The following ZDBF2 variants were observed in gnomAD, a reference collection of about 807,000 sequenced individuals.
ZDBF2 encodes zinc finger DBF-type containing 2, also known as DBF4-type zinc finger-containing protein 2.
A neutral mutation model predicts 9.4 loss-of-function variants in ZDBF2; 6 were observed. The ratio of observed to expected loss-of-function variants is 0.64; its 90% CI spans 0.35 to 1.27. The LOEUF (loss-of-function observed/expected upper bound fraction) is 1.27, where lower values mean the gene tolerates loss of function less well. ZDBF2 is among the 50% of genes most tolerant of loss of function. The pLI is 0.03. For missense variants in ZDBF2, 2,697 were observed against 2,766.8 expected, an observed-to-expected ratio of 0.97 and a Z score of 0.57; for synonymous variants, 905 against 946.3, an observed-to-expected ratio of 0.96 and a Z score of 0.80.
chr2:206,274,880 G>A lies in ZDBF2; in HGVS notation c.-169G>A, dbSNP rs1223334387. On this transcript the variant is annotated 5_prime_UTR_variant, in exon 1 of 5. Coordinates refer to ENST00000374423, the MANE Select transcript of ZDBF2 (RefSeq NM_020923.3). Reference sequence around the variant, plus strand: ...CCGCCGCGGAACCGGAATAAGAAGGGAGAGCGCCCGGCTCGGTCCTCGGTC... The same window carrying A: ...CCGCCGCGGAACCGGAATAAGAAGGAAGAGCGCCCGGCTCGGTCCTCGGTC... 3.9e-5 allele frequency: 6 copies of A among 151,954 alleles called. No homozygotes were observed. Among genetic ancestry groups the A allele is most frequent in the African/African-American group, 1.4e-4 (6 of 41,416 alleles). 9.4% of individuals were successfully genotyped at this position (151,954 alleles called of 1,614,324 possible). A position where few individuals can be genotyped will look rare whatever the true frequency, so the allele number is the denominator to read the frequency against.
At position 206,306,355 on chromosome 2, in the gene ZDBF2, A is replaced by G. The variant is rs1405751140; in HGVS notation, c.1827A>G (p.Gln609=). 6.2e-7 allele frequency: 1 copy of G among 1,613,828 alleles called. No homozygotes were observed. Among genetic ancestry groups the G allele is most frequent in the East Asian group, 2.2e-5 (1 of 44,882 alleles). ...TVKGRNLKGR[Q]VHLKHKKRKP... ...AAGGAAGAAACCTGAAAGGTAGACA[A>G]GTCCACCTAAAACATAAGAAGCGTA... is the stretch of plus-strand genomic sequence containing the variant. Residue 609 remains glutamine (Q), a synonymous_variant, in exon 5 of 5, where the codon CAA becomes CAG. Coordinates refer to ENST00000374423, the MANE Select transcript of ZDBF2 (RefSeq NM_020923.3).
intron 3 of ZDBF2, among the ~76,000 whole-genome samples, chr2:206,285,629 T>C (rs919940580): frequency 1.3e-5 from 2 of 152,242 alleles, no homozygotes; most frequent in Non-Finnish European, 2.9e-5. Context: ...GATTGTCCTT[T>C]GCTGTGCAAA....
In ZDBF2 at chr2:206,309,500, T is replaced by C. The variant is rs758164540; in HGVS notation, c.4972T>C (p.Cys1658Arg). The change falls in exon 5 of 5, where the codon TGT (cysteine) becomes CGT (arginine). Residue 1658 changes from cysteine (C) to arginine (R), a missense_variant. Physicochemically the swap from Cys to Arg is radical, Grantham distance 180. This residue lies in a region of ZDBF2 where 1,783 missense variants were observed against 1,776.5 expected (regional missense o/e 1.00). Transcript: ENST00000374423. ...ATATATTGATTCAGAAGATAAGAGC[T>C]GTGGATATAATGGTTCTAAAGGAAA... The part of the protein sequence containing the change: ...VKYIDSEDKS[C>R]GYNGSKGKFN... The C allele has an allele frequency of 6.2e-7, 1 of 1,613,982 alleles. No individual in the cohort carries two copies. Among genetic ancestry groups the C allele is most frequent in the East Asian group, 2.2e-5 (1 of 44,886 alleles).
intron 1 of ZDBF2, among the ~76,000 whole-genome samples, chr2:206,279,080 G>A (rs12694049): frequency 0.51 from 77,619 of 151,976 alleles, 20,810 homozygotes; most frequent in Non-Finnish European, 0.6. Flanking sequence ...ACAACAATGC[G>A]GAGGAATAAA....
chr2:206,292,125 G>A (rs1448465288), intron 3 of ZDBF2: 1 of 398,176 alleles, frequency 2.5e-6, no homozygotes, highest in Non-Finnish European at 4.4e-6. Flanking sequence ...AGGTAAATAT[G>A]TAGGCAATCA....
At position 206,311,406 on chromosome 2, in the gene ZDBF2, G is replaced by C; in HGVS notation, c.6878G>C (p.Arg2293Pro). The change falls in exon 5 of 5, where the codon CGA (arginine) becomes CCA (proline). Residue 2293 changes from arginine (R) to proline (P), a missense_variant. Transcript: ENST00000374423. ...GCTATGGCAAATCCTCCTCCAAAGCGACCTGTGCGGGCTTCTTGCCGCGTT... is the reference window on the plus strand; with the variant it reads ...GCTATGGCAAATCCTCCTCCAAAGCCACCTGTGCGGGCTTCTTGCCGCGTT... ...SSAMANPPPK[R>P]PVRASCRVAR... 6.2e-7 allele frequency: 1 copy of C among 1,608,454 alleles called. No homozygotes were observed. The highest frequency in any genetic ancestry group is 1.1e-5 in the South Asian group (1 of 89,892).
chr2:206,290,785 T>C (rs1029358581), intron 3 of ZDBF2, among the ~76,000 whole-genome samples: 2 of 152,222 alleles, frequency 1.3e-5, no homozygotes, highest in Non-Finnish European at 2.9e-5. Context: ...TACATTATGT[T>C]CTCTCCAAAT....
intron 3 of ZDBF2, among the ~76,000 whole-genome samples, chr2:206,296,435 T>G (rs1282879191): frequency 6.6e-6 from 1 of 152,210 alleles, no homozygotes; most frequent in African/African-American, 2.4e-5. Flanking sequence ...TTTACTTTTA[T>G]TACAGTATAT....
chr2:206,294,792 C>T (rs1692081437), intron 3 of ZDBF2, among the ~76,000 whole-genome samples: 1 of 152,124 alleles, frequency 6.6e-6, no homozygotes, highest in Non-Finnish European at 1.5e-5. Flanking sequence ...TGATGGCCTC[C>T]AGCTGTATCC....
At chr2:206,275,873 A>G (rs1204971159) in intron 1 of ZDBF2, among the ~76,000 whole-genome samples, 1 of 152,204 alleles carries the variant, frequency 6.6e-6, no homozygotes, top group Non-Finnish European at 1.5e-5. Flanking sequence ...AATACGTGGA[A>G]GACCTTTTCT....
chr2:206,306,428 A>G lies in ZDBF2; in HGVS notation c.1900A>G (p.Thr634Ala). 1 of 1,613,862 alleles carries G rather than the reference A, an allele frequency of 6.2e-7. No individual in the cohort carries two copies. The highest frequency in any genetic ancestry group is 8.5e-7 in the Non-Finnish European group (1 of 1,179,820). ...TCTTGATTGTGATGTCTCACTTGGG[A>G]CAGTTGCAGATGAATCCCAGAGGGC... ...AHLDCDVSLG[T>A]VADESQRAVE... Residue 634 changes from threonine (T) to alanine (A), a missense_variant, in exon 5 of 5, where the codon ACA (threonine) becomes GCA (alanine). By Grantham distance (58) the Thr-to-Ala change is moderately conservative (BLOSUM62 0). This residue lies in a region of ZDBF2 where 910 missense variants were observed against 973.6 expected (regional missense o/e 0.93). Coordinates refer to ENST00000374423, the MANE Select transcript of ZDBF2 (RefSeq NM_020923.3).
Position 206,311,267 on chromosome 2 carries a change from A to C in ZDBF2, c.6739A>C (p.Arg2247=). The C allele has an allele frequency of 6.2e-7, 1 of 1,610,054 alleles. No homozygotes were observed. The highest frequency in any genetic ancestry group is 8.5e-7 in the Non-Finnish European group (1 of 1,177,648). Residue 2247 remains arginine (R), a synonymous_variant, in exon 5 of 5, where the codon AGG becomes CGG. Transcript: ENST00000374423. ...TCAGTCCAGGAGCGCTTTTCTTGGA[A>C]GGTATCTGAAGAAGAAAAAATCTGT... ...RYQSRSAFLG[R]YLKKKKSVVS...
intron 4 of ZDBF2, among the ~76,000 whole-genome samples, chr2:206,299,676 G>A (rs1355915131): frequency 6.6e-6 from 1 of 151,918 alleles, no homozygotes; most frequent in Non-Finnish European, 1.5e-5. Context: ...TAAAAACTAG[G>A]AAACTACAAA....
chr2:206,294,450 A>G (rs765296930), intron 3 of ZDBF2, among the ~76,000 whole-genome samples: 2 of 152,218 alleles, frequency 1.3e-5, no homozygotes, highest in Non-Finnish European at 2.9e-5. Context: ...TTGCCTTGGC[A>G]GAGAGAGGAC....
intron 4 of ZDBF2, among the ~76,000 whole-genome samples, chr2:206,297,608 A>ACT (rs1433854622): frequency 1.3e-5 from 2 of 152,208 alleles, no homozygotes; most frequent in African/African-American, 4.8e-5. Context: ...GCTAATAATT[A>ACT]TATATCATTA....
Position 206,309,849 on chromosome 2 carries a change from A to G in ZDBF2, c.5321A>G (p.Lys1774Arg). The G allele has an allele frequency of 6.2e-7, 1 of 1,613,950 alleles. No individual in the cohort carries two copies. The highest frequency in any genetic ancestry group is 1.1e-5 in the South Asian group (1 of 91,060). Residue 1774 changes from lysine to arginine, a missense_variant, in exon 5 of 5, where the codon AAG becomes AGG. This residue lies in a region of ZDBF2 where 1,783 missense variants were observed against 1,776.5 expected (regional missense o/e 1.00). Coordinates refer to ENST00000374423, the MANE Select transcript of ZDBF2 (RefSeq NM_020923.3). ...ACTGTTAAGAAAAGACACCCTTGTA[A>G]GAAGGTATCTTCTGACTTGAAAGAA... ...QETVKKRHPC[K>R]KVSSDLKEKN...
intron 4 of ZDBF2, among the ~76,000 whole-genome samples, chr2:206,297,728 A>G (rs1039327052): frequency 1.3e-5 from 2 of 152,000 alleles, no homozygotes; most frequent in East Asian, 1.9e-4. Context: ...TGCCCAGGGT[A>G]GAGAGCAATG....
In ZDBF2 at chr2:206,306,907, T is replaced by A. The variant is rs181757968; in HGVS notation, c.2379T>A (p.Asp793Glu). 2 of 1,613,786 alleles carry A rather than the reference T, an allele frequency of 1.2e-6. No individual in the cohort carries two copies. Among genetic ancestry groups the A allele is most frequent in the African/African-American group, 2.7e-5 (2 of 75,042 alleles). Residue 793 changes from aspartate (D) to glutamate (E), a missense_variant, in exon 5 of 5, where the codon GAT (aspartate) becomes GAA (glutamate). By Grantham distance (45) the Asp-to-Glu change is conservative. Transcript: ENST00000374423. Reference protein sequence around the residue: ...CESDSSEITFDSDIPLYSVID... With the variant: ...CESDSSEITFESDIPLYSVID... Reference sequence around the variant, plus strand: ...CAGATAGTTCTGAAATAACTTTTGATTCTGATATTCCTCTTTATTCAGTAA... The same window carrying A: ...CAGATAGTTCTGAAATAACTTTTGAATCTGATATTCCTCTTTATTCAGTAA...
chr2:206,275,207 T>C lies in ZDBF2; in HGVS notation c.-103+261T>C, dbSNP rs527727792. Among the ~76,000 whole-genome samples, 122 of 152,170 alleles carry C rather than the reference T, an allele frequency of 8.0e-4. 1 individual carries two copies. The highest frequency in any genetic ancestry group is 2.8e-3 in the African/African-American group (116 of 41,568). On this transcript the variant is annotated intron_variant, in intron 1 of 4. Transcript: ENST00000374423. ...TGGGGCGCAGGCTGCATTGCGCTTC[T>C]GTCCGGGGCCCTGGGTCAGAGGGGC...
Sources: allele counts gnomAD v4.1 joint callset (sites outside exome capture counted in the v4.1 genomes callset), GRCh38; gene constraint gnomAD v4.1.1; regional missense constraint gnomAD v4.1.1; transcripts MANE v1.5; gene names NCBI Gene and HGNC (gene_info 2026-07-23, HGNC 2026-07-21).